The following KCNJ6 variants were observed in gnomAD, a reference collection of about 807,000 sequenced individuals.
The protein encoded by KCNJ6 is potassium inwardly rectifying channel subfamily J member 6, also known as G protein-activated inward rectifier potassium channel 2.
KCNJ6 carries 9 observed loss-of-function variants against 34.2 expected under a neutral mutation model. The ratio of observed to expected loss-of-function variants is 0.26; its 90% CI spans 0.16 to 0.46. KCNJ6 has a LOEUF of 0.46. Among genes scored for constraint, KCNJ6 ranks in the 20% least tolerant of loss-of-function variants. KCNJ6 has a pLI of 1.00. For synonymous variants in KCNJ6, 196 were observed against 207.1 expected, an observed-to-expected ratio of 0.95 and a Z score of 0.46; for missense variants, 236 against 531.3, an observed-to-expected ratio of 0.44 and a Z score of 5.46.
intron 2 of KCNJ6, among the ~76,000 whole-genome samples, chr21:37,718,114 G>A (rs2054803772): frequency 6.6e-6 from 1 of 152,200 alleles, no homozygotes; most frequent in Non-Finnish European, 1.5e-5. Flanking sequence ...CATGGTGATT[G>A]AGTCTTGGCC....
At position 37,616,600 on chromosome 21, in the gene KCNJ6, T is replaced by C. The variant is rs1346659838; in HGVS notation, c.*8559A>G. ...CAGGAACAAAATGTACATATATATA[T>C]ATATATATATATATATGGTTAGACT... On this transcript the variant is annotated 3_prime_UTR_variant, in exon 4 of 4. Transcript: ENST00000609713. 1 of 123,108 alleles carries C rather than the reference T, an allele frequency of 8.1e-6. No individual in the cohort carries two copies. The highest frequency in any genetic ancestry group is 1.7e-5 in the Non-Finnish European group (1 of 59,530). 7.6% of individuals were successfully genotyped at this position (123,108 alleles called of 1,614,324 possible). A position where few individuals can be genotyped will look rare whatever the true frequency, so the allele number is the denominator to read the frequency against.
intron 3 of KCNJ6, among the ~76,000 whole-genome samples, chr21:37,658,315 GA>G (rs2054473327): frequency 6.6e-6 from 1 of 152,248 alleles, no homozygotes; most frequent in Non-Finnish European, 1.5e-5. Flanking sequence ...GCTTGGATGA[GA>G]AAACTGAGGT....
intron 2 of KCNJ6, among the ~76,000 whole-genome samples, chr21:37,736,148 TC>T (rs1382099417): frequency 1.3e-5 from 2 of 152,092 alleles, no homozygotes; most frequent in Non-Finnish European, 2.9e-5. Flanking sequence ...GCCATTTTGG[TC>T]CCATAACTTC....
intron 2 of KCNJ6, among the ~76,000 whole-genome samples, chr21:37,785,291 G>A (rs2055187675): frequency 6.6e-6 from 1 of 152,220 alleles, no homozygotes; most frequent in Admixed American, 6.5e-5. Context: ...CCACAAGTGA[G>A]TTCTGAGAAT....
At chr21:37,872,404 C>T (rs1174521812) in intron 1 of KCNJ6, among the ~76,000 whole-genome samples, 1 of 152,186 alleles carries the variant, frequency 6.6e-6, no homozygotes, top group Non-Finnish European at 1.5e-5. Flanking sequence ...GGCAAGGCTT[C>T]CTCTGTGTCA....
intron 1 of KCNJ6, among the ~76,000 whole-genome samples, chr21:37,841,988 A>G (rs1468568944): frequency 1.3e-5 from 2 of 152,212 alleles, no homozygotes; most frequent in Admixed American, 6.5e-5. Context: ...ATAGTGCTCA[A>G]TTGTCCCCCA....
At position 37,892,988 on chromosome 21, in the gene KCNJ6, G is replaced by A. The variant is rs183138326; in HGVS notation, c.-28+22896C>T. 2.9e-3 allele frequency among the ~76,000 whole-genome samples: 438 copies of A among 151,788 alleles called. 1 individual carries two copies. The highest frequency in any genetic ancestry group is 4.9e-3 in the Admixed American group (75 of 15,266). ...CTGCCTCAGCCTCCCGAGTAGCTGG[G>A]ACTACAGGCGCCCGCCACCCAGGCC... On this transcript the variant is annotated intron_variant, in intron 1 of 3. Transcript: ENST00000609713.
At chr21:37,789,267 C>A (rs933002438) in intron 2 of KCNJ6, among the ~76,000 whole-genome samples, 1 of 152,200 alleles carries the variant, frequency 6.6e-6, no homozygotes, top group Admixed American at 6.5e-5. Context: ...AGACTCAACC[C>A]CCAGTGTGAC....
At chr21:37,662,506 T>A (rs375319822) in intron 3 of KCNJ6, among the ~76,000 whole-genome samples, 11 of 152,388 alleles carry the variant, frequency 7.2e-5, no homozygotes, top group African/African-American at 2.6e-4. Flanking sequence ...TTATCCAGTC[T>A]ATCATTGTGG....
chr21:37,828,394 G>A (rs1784385822), intron 2 of KCNJ6, among the ~76,000 whole-genome samples: 2 of 152,186 alleles, frequency 1.3e-5, no homozygotes, highest in South Asian at 2.1e-4. Flanking sequence ...AAGCCAGGGT[G>A]CTTCCCCGGC....
intron 2 of KCNJ6, among the ~76,000 whole-genome samples, chr21:37,742,733 C>T (rs2054947491): frequency 6.6e-6 from 1 of 152,224 alleles, no homozygotes; most frequent in Non-Finnish European, 1.5e-5. Context: ...CTTCATTTCT[C>T]ACAGAGCTTC....
At position 37,610,228 on chromosome 21, in the gene KCNJ6, A is replaced by G. The variant is rs574474549; in HGVS notation, c.*14931T>C. On this transcript the variant is annotated 3_prime_UTR_variant, in exon 4 of 4. Transcript: ENST00000609713. ...TACTAGAATTATTAAAGCAGAGACTATGGGGTTCAAATGTTTGTTGAAAAA... is the reference window on the plus strand; with the variant it reads ...TACTAGAATTATTAAAGCAGAGACTGTGGGGTTCAAATGTTTGTTGAAAAA... 9 of 152,334 alleles carry G rather than the reference A, an allele frequency of 5.9e-5. No individual in the cohort carries two copies. The highest frequency in any genetic ancestry group is 2.2e-4 in the African/African-American group (9 of 41,564). 9.4% of individuals were successfully genotyped at this position (152,334 alleles called of 1,614,324 possible).
intron 1 of KCNJ6, among the ~76,000 whole-genome samples, chr21:37,879,265 G>A (rs2055694546): frequency 6.6e-6 from 1 of 152,196 alleles, no homozygotes; most frequent in African/African-American, 2.4e-5. Context: ...AGGTCAGGAT[G>A]TTAGCTGAAA....
chr21:37,671,395 T>A (rs1463675561), intron 3 of KCNJ6, among the ~76,000 whole-genome samples: 1 of 152,232 alleles, frequency 6.6e-6, no homozygotes, highest in African/African-American at 2.4e-5. Flanking sequence ...GGCGTGCCCC[T>A]CTTCTTGCCT....
At chr21:37,644,572 C>A (rs1243474288) in intron 3 of KCNJ6, among the ~76,000 whole-genome samples, 1 of 152,186 alleles carries the variant, frequency 6.6e-6, no homozygotes, top group Non-Finnish European at 1.5e-5. Flanking sequence ...CTCCCCCCGA[C>A]ATATTTTTAG....
intron 2 of KCNJ6, among the ~76,000 whole-genome samples, chr21:37,829,740 C>T (rs559347207): frequency 2.0e-4 from 30 of 152,262 alleles, no homozygotes; most frequent in Non-Finnish European, 3.7e-4. Flanking sequence ...TGAACCCATG[C>T]GAGAGAGGAA....
rs186850328 is a variant in KCNJ6, at chr21:37,712,115, C to T, written c.946+2096G>A. Among the ~76,000 whole-genome samples the T allele has an allele frequency of 3.0e-4, 46 of 152,326 alleles. 2 individuals carry two copies. The highest frequency in any genetic ancestry group is 2.4e-3 in the Admixed American group (37 of 15,308). ...GCTTATTCCAGATTCATTTATTTTA[C>T]AGAGATTGGGCTCTGGTTTGAGGGA... On this transcript the variant is annotated intron_variant, in intron 3 of 3. Coordinates refer to ENST00000609713, the MANE Select transcript of KCNJ6 (RefSeq NM_002240.5).
intron 2 of KCNJ6, among the ~76,000 whole-genome samples, chr21:37,793,934 T>C (rs1359082592): frequency 1.3e-5 from 2 of 152,262 alleles, no homozygotes; most frequent in Non-Finnish European, 2.9e-5. Context: ...AAGTAAAGGA[T>C]AATGCATCTA....
intron 3 of KCNJ6, among the ~76,000 whole-genome samples, chr21:37,652,641 A>G (rs940707151): frequency 6.6e-6 from 1 of 152,200 alleles, no homozygotes; most frequent in African/African-American, 2.4e-5. Flanking sequence ...GTCCAGGACT[A>G]AGAGGTACCC....
Sources: allele counts gnomAD v4.1 joint callset (sites outside exome capture counted in the v4.1 genomes callset), GRCh38; gene constraint gnomAD v4.1.1; transcripts MANE v1.5; gene names NCBI Gene and HGNC (gene_info 2026-07-23, HGNC 2026-07-21).